Variants in CADPS observed in about 807,000 individuals in gnomAD.
The protein encoded by CADPS is calcium-dependent secretion activator 1.
Under a neutral mutation model 167.3 loss-of-function variants are expected in CADPS, and 57 were observed. The observed-to-expected ratio is 0.34, with a 90% CI of 0.28 to 0.42. The LOEUF (loss-of-function observed/expected upper bound fraction) is 0.42. CADPS is among the 20% of genes least tolerant of loss of function. The pLI is 1.00. For missense variants in CADPS, 1,414 were observed against 1,738.1 expected, an observed-to-expected ratio of 0.81 and a Z score of 3.32; for synonymous variants, 676 against 635.3, an observed-to-expected ratio of 1.06 and a Z score of -0.96.
At chr3:62,431,139 C>T (rs868709279) in intron 28 of CADPS, among the ~76,000 whole-genome samples, 1 of 152,120 alleles carries the variant, frequency 6.6e-6, no homozygotes, top group Non-Finnish European at 1.5e-5. Flanking sequence ...GGCTTAATTT[C>T]AGATTGATAA....
intron 1 of CADPS, among the ~76,000 whole-genome samples, chr3:62,840,125 T>A (rs2153037865): frequency 6.6e-6 from 1 of 152,348 alleles, no homozygotes; most frequent in South Asian, 2.1e-4. Context: ...GCTAATTATC[T>A]TCATTATTAT....
At chr3:62,504,452 G>C (rs2066282169) in intron 17 of CADPS, among the ~76,000 whole-genome samples, 1 of 152,194 alleles carries the variant, frequency 6.6e-6, no homozygotes, top group Non-Finnish European at 1.5e-5. Context: ...TTCTCACCCA[G>C]TTAACTGAAC....
At chr3:62,800,754 T>A (rs1576586308) in intron 1 of CADPS, among the ~76,000 whole-genome samples, 3 of 152,162 alleles carry the variant, frequency 2.0e-5, no homozygotes, top group African/African-American at 7.2e-5. Context: ...GCTTTTTATC[T>A]ATGTCATTTT....
chr3:62,723,275 G>C (rs1035047672), intron 3 of CADPS, among the ~76,000 whole-genome samples: 57 of 152,150 alleles, frequency 3.7e-4, no homozygotes, highest in African/African-American at 1.3e-3. Context: ...AGATGTTGTA[G>C]GTCTCCGATG....
rs139359889 is a variant in CADPS, at chr3:62,705,802, T to C, written c.889-43408A>G. 3.0e-3 allele frequency among the ~76,000 whole-genome samples: 463 copies of C among 152,262 alleles called. 3 individuals carry two copies. The highest frequency in any genetic ancestry group is 0.011 in the African/African-American group (442 of 41,534). On this transcript the variant is annotated intron_variant, in intron 3 of 29. Coordinates refer to ENST00000383710, the MANE Select transcript of CADPS (RefSeq NM_003716.4). ...TCAATACTCCTTAATAAACTCCCTT[T>C]TATATATACATCTATCCTATTAGTT...
chr3:62,479,878 C>T (rs1161770369), intron 22 of CADPS, among the ~76,000 whole-genome samples: 1 of 152,164 alleles, frequency 6.6e-6, no homozygotes, highest in Non-Finnish European at 1.5e-5. Context: ...CAGCCTTCCC[C>T]CTGCCCCAAC....
chr3:62,791,090 A>C (rs1283352227), intron 1 of CADPS, among the ~76,000 whole-genome samples: 2 of 152,168 alleles, frequency 1.3e-5, no homozygotes, highest in Non-Finnish European at 2.9e-5. Flanking sequence ...ACTAGGACAA[A>C]ACAAGAGGGG....
chr3:62,738,519 A>C lies in CADPS; in HGVS notation c.888+14922T>G, dbSNP rs191308966. Among the ~76,000 whole-genome samples the C allele has an allele frequency of 3.0e-3, 450 of 152,104 alleles. 1 individual carries two copies. Among genetic ancestry groups the C allele is most frequent in the African/African-American group, 0.01 (427 of 41,486 alleles). On this transcript the variant is annotated intron_variant, in intron 3 of 29. Transcript: ENST00000383710. ...CAGGTGGATCATCTGAGGTCAGGAG[A>C]TCAAGATCAGCCTGGCCAACATGGT... is the stretch of plus-strand genomic sequence containing the variant.
At chr3:62,535,895 A>G (rs2074596609) in intron 12 of CADPS, 1 of 145,012 alleles carries the variant, frequency 6.9e-6, no homozygotes, top group South Asian at 2.1e-4. Flanking sequence ...AAAGCACCAT[A>G]AAAAATTCCC....
At chr3:62,431,558 A>G (rs2053957212) in intron 28 of CADPS, among the ~76,000 whole-genome samples, 1 of 150,942 alleles carries the variant, frequency 6.6e-6, no homozygotes, top group African/African-American at 2.4e-5. Flanking sequence ...TCAGCAAATC[A>G]GTTCTATGTT....
intron 26 of CADPS, among the ~76,000 whole-genome samples, chr3:62,463,691 C>T (rs2059633738): frequency 6.6e-6 from 1 of 152,204 alleles, no homozygotes; most frequent in Non-Finnish European, 1.5e-5. Flanking sequence ...TCACTCCCCT[C>T]TCTGGGCCTT....
intron 8 of CADPS, among the ~76,000 whole-genome samples, chr3:62,571,552 T>G (rs2152457554): frequency 6.6e-6 from 1 of 152,204 alleles, no homozygotes; most frequent in Non-Finnish European, 1.5e-5. Flanking sequence ...TCCGGACATG[T>G]TAAGATAAAT....
chr3:62,643,281 A>G (rs894566775), intron 6 of CADPS, among the ~76,000 whole-genome samples: 4 of 152,180 alleles, frequency 2.6e-5, no homozygotes, highest in African/African-American at 9.7e-5. Flanking sequence ...TCCTCTGAGT[A>G]TGGATTTGGC....
chr3:62,478,170 A>C lies in CADPS; in HGVS notation c.3329+91T>G, dbSNP rs1576574851. ...CCCCTTCTCCAATTAGTTTCAAACT[A>C]CAGCCAATTGAAAGAGCAGCCATCT... On this transcript the variant is annotated intron_variant, in intron 23 of 29. Coordinates refer to ENST00000383710, the MANE Select transcript of CADPS (RefSeq NM_003716.4). This position sits in a 1 kb window ranked among gnomAD's most constrained non-coding sequence, Gnocchi z 5.7. 1 of 1,387,654 alleles carries C rather than the reference A, an allele frequency of 7.2e-7. No homozygotes were observed. Among genetic ancestry groups the C allele is most frequent in the Non-Finnish European group, 1.0e-6 (1 of 996,446 alleles). 86.0% of individuals were successfully genotyped at this position (1,387,654 alleles called of 1,614,324 possible).
chr3:62,852,904 G>A (rs945396273), intron 1 of CADPS, among the ~76,000 whole-genome samples: 1 of 152,108 alleles, frequency 6.6e-6, no homozygotes, highest in Admixed American at 6.5e-5. Flanking sequence ...TCAGATCAGA[G>A]ATATGTTACT....
chr3:62,758,165 C>T (rs1463440385), intron 2 of CADPS, among the ~76,000 whole-genome samples: 1 of 152,238 alleles, frequency 6.6e-6, no homozygotes, highest in Non-Finnish European at 1.5e-5. Context: ...GAAGACAAGT[C>T]ACCTAACCTC....
chr3:62,832,194 G>A (rs2075212436), intron 1 of CADPS, among the ~76,000 whole-genome samples: 1 of 152,150 alleles, frequency 6.6e-6, no homozygotes. Flanking sequence ...TCTAAATCTT[G>A]GCTGCATTTT....
chr3:62,600,661 T>C (rs1299834198), intron 6 of CADPS, among the ~76,000 whole-genome samples: 1 of 152,220 alleles, frequency 6.6e-6, no homozygotes. Flanking sequence ...ATCACTATGA[T>C]AGGCACTGCT....
At chr3:62,659,481 G>A (rs750367478) in intron 4 of CADPS, among the ~76,000 whole-genome samples, 27 of 152,200 alleles carry the variant, frequency 1.8e-4, no homozygotes, top group Non-Finnish European at 3.7e-4. Context: ...AATTACAATC[G>A]GGGACTTAAA....
Sources: gnomAD v4.1 joint callset for allele counts (sites outside exome capture counted in the v4.1 genomes callset) on GRCh38, gnomAD v4.1.1 for gene constraint, Gnocchi (gnomAD v3.1) non-coding constraint, MANE v1.5 for transcripts, NCBI Gene and HGNC (gene_info 2026-07-23, HGNC 2026-07-21) for gene names.